The following SLC35E4 variants were observed in gnomAD, a reference collection of about 807,000 sequenced individuals.
SLC35E4 encodes solute carrier family 35 member E4, also known as solute carrier family 35, member E4.
Under a neutral mutation model 19.3 loss-of-function variants are expected in SLC35E4, and 15 were observed. The ratio of observed to expected loss-of-function variants is 0.78; its 90% CI spans 0.52 to 1.20. The LOEUF (loss-of-function observed/expected upper bound fraction) is 1.20. Ranked by LOEUF, SLC35E4 falls within the 50% of genes most tolerant of loss-of-function variation. The pLI is 0.00. For missense variants in SLC35E4, 406 were observed against 472.3 expected (o/e 0.86, Z 1.30); for synonymous variants, 219 against 219.9 (o/e 1.00, Z 0.04).
chr22:30,650,489 C>T (rs1158323199), downstream of SLC35E4, among the ~76,000 whole-genome samples: 6 of 152,186 alleles, frequency 3.9e-5, no homozygotes, highest in East Asian at 9.7e-4. Context: ...GAATGAGACT[C>T]CATCTCAAAA....
chr22:30,645,723 A>G (rs1187237230), intron 1 of SLC35E4, among the ~76,000 whole-genome samples: 1 of 151,300 alleles, frequency 6.6e-6, no homozygotes, highest in Non-Finnish European at 1.5e-5. Flanking sequence ...TAGCATCATC[A>G]TAGCTCACTG....
downstream of SLC35E4, among the ~76,000 whole-genome samples, chr22:30,651,393 G>GTA (rs2088209451): frequency 1.2e-4 from 6 of 49,364 alleles, no homozygotes; most frequent in African/African-American, 8.0e-4. Flanking sequence ...GTGTGTGTGT[G>GTA]TGTGTGTATA....
chr22:30,646,705 G>T lies in SLC35E4; in HGVS notation c.727G>T (p.Val243Phe), dbSNP rs774613450. The T allele has an allele frequency of 1.2e-6, 2 of 1,612,278 alleles. No individual in the cohort carries two copies. The highest frequency in any genetic ancestry group is 1.7e-6 in the Non-Finnish European group (2 of 1,179,772). Residue 243 changes from valine (V) to phenylalanine (F), a missense_variant, in exon 2 of 2, where the codon GTT becomes TTT. By Grantham distance (50) the Val-to-Phe change is conservative. Transcript: ENST00000343605. The part of the protein sequence containing the change: ...AGAALVLEAG[V>F]APPPTAGDSR... ...TGCAGCCCTGGTGCTGGAGGCTGGCGTTGCCCCACCGCCCACTGCTGGCGA... is the reference window on the plus strand; with the variant it reads ...TGCAGCCCTGGTGCTGGAGGCTGGCTTTGCCCCACCGCCCACTGCTGGCGA...
chr22:30,664,146 G>A, downstream of SLC35E4: 1 of 709,124 alleles, frequency 1.4e-6, no homozygotes, highest in Non-Finnish European at 2.4e-6. Context: ...GGATCCCTGG[G>A]AAATGGATGG....
At chr22:30,668,914 C>G (rs1303462464) in exon 3 of SLC35E4, 1 of 152,194 alleles carries the variant, frequency 6.6e-6, no homozygotes. Flanking sequence ...CCAGCCTCCT[C>G]CCCTTCTAGT....
chr22:30,663,637 G>A (rs768164376), downstream of SLC35E4: 2 of 1,614,208 alleles, frequency 1.2e-6, no homozygotes, highest in Admixed American at 3.3e-5. Flanking sequence ...GACATGGCGT[G>A]GTACTTCATG....
chr22:30,651,247 C>T (rs1347421984), downstream of SLC35E4, among the ~76,000 whole-genome samples: 1 of 150,564 alleles, frequency 6.6e-6, no homozygotes, highest in African/African-American at 2.4e-5. Flanking sequence ...GTCGCCCAGG[C>T]TAGAATGCAG....
rs189761378 is a variant in SLC35E4, at chr22:30,640,799, C to T, written c.619+3730C>T. 1.3e-3 allele frequency among the ~76,000 whole-genome samples: 200 copies of T among 152,236 alleles called. 1 individual carries two copies. Among genetic ancestry groups the T allele is most frequent in the Admixed American group, 0.011 (168 of 15,292 alleles). ...GAGGAGAGTTGGAGTTGATGGAGTCCAAGGGGCCTCTTGCTCTCCCTTCGC... is the reference window on the plus strand; with the variant it reads ...GAGGAGAGTTGGAGTTGATGGAGTCTAAGGGGCCTCTTGCTCTCCCTTCGC... On this transcript the variant is annotated intron_variant, in intron 1 of 1. Coordinates refer to ENST00000343605, the MANE Select transcript of SLC35E4 (RefSeq NM_001001479.4).
chr22:30,651,124 G>A (rs1234956830), downstream of SLC35E4, among the ~76,000 whole-genome samples: 2 of 151,744 alleles, frequency 1.3e-5, no homozygotes, highest in Non-Finnish European at 2.9e-5. Context: ...ATAACTTCCT[G>A]GAAGTAGCAC....
chr22:30,657,166 G>A (rs1305645398), intron 2 of SLC35E4, among the ~76,000 whole-genome samples: 2 of 152,038 alleles, frequency 1.3e-5, no homozygotes, highest in African/African-American at 4.8e-5. Flanking sequence ...TGGGTGCAGT[G>A]GCTCACACCT....
At chr22:30,663,765 C>T, downstream of SLC35E4, 1 of 1,614,220 alleles carries the variant, frequency 6.2e-7, no homozygotes, top group South Asian at 1.1e-5. Context: ...AAAGAAGTCA[C>T]AGAGACGTGA....
intron 1 of SLC35E4, among the ~76,000 whole-genome samples, chr22:30,639,343 G>A (rs1365086607): frequency 1.3e-5 from 2 of 152,268 alleles, no homozygotes; most frequent in Middle Eastern, 3.4e-3. Flanking sequence ...CAAGGCAAAT[G>A]GAGGCAGGGC....
chr22:30,643,040 A>G (rs1050289036), intron 1 of SLC35E4, among the ~76,000 whole-genome samples: 11 of 152,002 alleles, frequency 7.2e-5, no homozygotes, highest in African/African-American at 1.7e-4. Flanking sequence ...AAAAAAAAAA[A>G]AAAAAAAGTA....
chr22:30,668,998 A>T (rs947307097), exon 3 of SLC35E4: 3 of 152,182 alleles, frequency 2.0e-5, no homozygotes, highest in African/African-American at 7.2e-5. Flanking sequence ...GATTTTTTTA[A>T]AAAAACAAAA....
intron 1 of SLC35E4, among the ~76,000 whole-genome samples, chr22:30,639,733 C>CA (rs1168931307): frequency 6.6e-6 from 1 of 152,216 alleles, no homozygotes; most frequent in Non-Finnish European, 1.5e-5. Context: ...CACCGGCAGT[C>CA]AGAGTTTAAG....
chr22:30,645,291 G>C (rs1316906289), intron 1 of SLC35E4, among the ~76,000 whole-genome samples: 1 of 152,116 alleles, frequency 6.6e-6, no homozygotes, highest in Non-Finnish European at 1.5e-5. Flanking sequence ...CAGAGTCTTC[G>C]AAGCTGGGTG....
intron 1 of SLC35E4, among the ~76,000 whole-genome samples, chr22:30,637,763 C>T (rs1186228604): frequency 6.6e-6 from 1 of 152,162 alleles, no homozygotes; most frequent in Non-Finnish European, 1.5e-5. Context: ...TGCCCTGGGC[C>T]ACGTGGCCAG....
rs569888402 is a variant in SLC35E4 at position 30,655,876 on chromosome 22, C to T, written c.*9-6184C>T. On this transcript the variant is annotated intron_variant, in intron 2 of 2. Coordinates refer to the SLC35E4 transcript ENST00000406566. ...CACACCTCTTAACATTCCTCCCAAG[C>T]TCCTTCTTAGGTGATATTGGGTCAC... is the stretch of plus-strand genomic sequence containing the variant. 1.1e-4 allele frequency among the ~76,000 whole-genome samples: 16 copies of T among 152,146 alleles called. No individual in the cohort carries two copies. The South Asian group carries it at 3.1e-3, about 30-fold the overall frequency.
At chr22:30,663,976 C>A (rs765479545), downstream of SLC35E4, 3 of 1,613,976 alleles carry the variant, frequency 1.9e-6, no homozygotes, top group Non-Finnish European at 2.5e-6. Context: ...CGGAACTGAA[C>A]TGGGAAGGCA....
Sources: gnomAD v4.1 joint callset for allele counts (sites outside exome capture counted in the v4.1 genomes callset) on GRCh38, gnomAD v4.1.1 for gene constraint, MANE v1.5 for transcripts, NCBI Gene and HGNC (gene_info 2026-07-23, HGNC 2026-07-21) for gene names.